The following HS3ST4 variants were observed in gnomAD, a reference collection of about 807,000 sequenced individuals.
HS3ST4 encodes the protein heparan sulfate glucosamine 3-O-sulfotransferase 4.
In HS3ST4, 17 loss-of-function variants were observed where a neutral mutation model predicts 29.2. The observed-to-expected ratio is 0.58, with a 90% CI of 0.40 to 0.87. The LOEUF is 0.87. HS3ST4 is among the 40% of genes least tolerant of loss of function. The probability of loss-of-function intolerance (pLI) is 0.00; values close to 1 mark genes in which losing one functional copy is unlikely to be tolerated. For missense variants in HS3ST4, 627 were observed against 634.5 expected (o/e 0.99, Z 0.13); for synonymous variants, 314 against 285.7 (o/e 1.10, Z -1.00).
At chr16:25,906,753 C>G (rs1968184110) in intron 1 of HS3ST4, among the ~76,000 whole-genome samples, 1 of 152,054 alleles carries the variant, frequency 6.6e-6, no homozygotes, top group Admixed American at 6.6e-5. Flanking sequence ...AAATACAAGA[C>G]ATGTATATGC....
intron 1 of HS3ST4, among the ~76,000 whole-genome samples, chr16:25,877,788 CAG>C (rs1200711039): frequency 6.6e-6 from 1 of 152,170 alleles, no homozygotes; most frequent in Non-Finnish European, 1.5e-5. Flanking sequence ...ATTCTTACTA[CAG>C]AGAGTTCTTC....
At chr16:26,134,681 A>G (rs1251165253) in intron 1 of HS3ST4, among the ~76,000 whole-genome samples, 3 of 152,142 alleles carry the variant, frequency 2.0e-5, no homozygotes, top group East Asian at 1.9e-4. Context: ...AGGCTCGAAG[A>G]TATAATTCAA....
At chr16:25,804,248 A>G (rs958527052) in intron 1 of HS3ST4, among the ~76,000 whole-genome samples, 1 of 152,178 alleles carries the variant, frequency 6.6e-6, no homozygotes, top group Non-Finnish European at 1.5e-5. Flanking sequence ...CATATCATCT[A>G]TAGAAACCAC....
At chr16:25,942,839 C>T (rs1036493152) in intron 1 of HS3ST4, among the ~76,000 whole-genome samples, 4 of 152,082 alleles carry the variant, frequency 2.6e-5, no homozygotes, top group Admixed American at 2.6e-4. Flanking sequence ...CCAGGCTGGT[C>T]TTGAACTCTT....
rs117824695 is a variant in HS3ST4 at position 25,758,292 on chromosome 16, A to G, written c.734+65141A>G. On this transcript the variant is annotated intron_variant, in intron 1 of 1. Coordinates refer to ENST00000331351, the MANE Select transcript of HS3ST4 (RefSeq NM_006040.3). ...CCTGTCATTGATTGTCTTTTTAGCT[A>G]TTTCTAATTGGTTACAAATGTTAAT... 8.2e-4 allele frequency among the ~76,000 whole-genome samples: 125 copies of G among 152,228 alleles called. No individual in the cohort carries two copies. In the East Asian group the frequency reaches 0.02, roughly 25 times the overall value.
intron 1 of HS3ST4, among the ~76,000 whole-genome samples, chr16:25,863,970 G>T (rs1182301001): frequency 6.6e-6 from 1 of 152,180 alleles, no homozygotes; most frequent in African/African-American, 2.4e-5. Context: ...TTATTGTGTG[G>T]CCTCTCTCCT....
chr16:25,827,484 A>G (rs2141636940), intron 1 of HS3ST4, among the ~76,000 whole-genome samples: 1 of 152,064 alleles, frequency 6.6e-6, no homozygotes, highest in South Asian at 2.1e-4. Flanking sequence ...CTGTCTTTCA[A>G]AACTTACTGT....
At chr16:25,895,018 T>A (rs920567928) in intron 1 of HS3ST4, among the ~76,000 whole-genome samples, 3 of 152,008 alleles carry the variant, frequency 2.0e-5, no homozygotes, top group Non-Finnish European at 4.4e-5. Flanking sequence ...GGGAGACAGA[T>A]GAGAAAAATG....
rs1491062144 is a variant in HS3ST4, at chr16:26,134,360, TTC to T, written c.735-1250_735-1249del. Reference sequence around the variant, plus strand: ...TTCTTTTCTTTTCTTTTCTTTTCTTTTCTTTTTTTTTTTTTTGATTGAGATGG... The same window carrying T: ...TTCTTTTCTTTTCTTTTCTTTTCTTTTTTTTTTTTTTTTTGATTGAGATGG... On this transcript the variant is annotated intron_variant, in intron 1 of 1. Coordinates refer to ENST00000331351, the MANE Select transcript of HS3ST4 (RefSeq NM_006040.3). Among the ~76,000 whole-genome samples the T allele has an allele frequency of 1.3e-3, 158 of 121,242 alleles. 2 individuals carry two copies. In the East Asian group the frequency reaches 0.018, roughly 14 times the overall value. 79.5% of individuals were successfully genotyped at this position (121,242 alleles called of 152,430 possible).
In HS3ST4 at chr16:25,904,974, G is replaced by C. The variant is rs371213101; in HGVS notation, c.734+211823G>C. Among the ~76,000 whole-genome samples, 23 of 152,262 alleles carry C rather than the reference G, an allele frequency of 1.5e-4. No individual in the cohort carries two copies. In the South Asian group the frequency reaches 1.7e-3, roughly 11 times the overall value. On this transcript the variant is annotated intron_variant, in intron 1 of 1. Transcript: ENST00000331351. Reference sequence around the variant, plus strand: ...CTCAAATGTTTATTGAACTCATTGAGTAGCAGACTCTGAGCTGAGTAAAGT... The same window carrying C: ...CTCAAATGTTTATTGAACTCATTGACTAGCAGACTCTGAGCTGAGTAAAGT...
At chr16:25,884,929 C>G (rs1967934593) in intron 1 of HS3ST4, among the ~76,000 whole-genome samples, 1 of 152,278 alleles carries the variant, frequency 6.6e-6, no homozygotes, top group South Asian at 2.1e-4. Flanking sequence ...GTGTCCAGAA[C>G]AGTGCCTGGT....
chr16:25,836,234 G>C (rs1367633347), intron 1 of HS3ST4, among the ~76,000 whole-genome samples: 1 of 152,114 alleles, frequency 6.6e-6, no homozygotes, highest in African/African-American at 2.4e-5. Flanking sequence ...TCTTCTTTTG[G>C]ACCCCTACCC....
At chr16:26,014,348 T>G (rs1348360688) in intron 1 of HS3ST4, among the ~76,000 whole-genome samples, 1 of 152,238 alleles carries the variant, frequency 6.6e-6, no homozygotes, top group East Asian at 1.9e-4. Context: ...TTTAAATTTT[T>G]AACTTTTATT....
intron 1 of HS3ST4, among the ~76,000 whole-genome samples, chr16:25,747,171 CAGAA>C (rs1474321296): frequency 6.6e-6 from 1 of 152,168 alleles, no homozygotes; most frequent in African/African-American, 2.4e-5. Flanking sequence ...CACAATTACT[CAGAA>C]AGAAGTGAGA....
chr16:25,888,002 C>T (rs550868641), intron 1 of HS3ST4, among the ~76,000 whole-genome samples: 3 of 152,280 alleles, frequency 2.0e-5, no homozygotes, highest in African/African-American at 7.2e-5. Context: ...CGTCCCGCTA[C>T]ACTTGATTTG....
chr16:25,758,416 T>C (rs529130845), intron 1 of HS3ST4, among the ~76,000 whole-genome samples: 1 of 152,340 alleles, frequency 6.6e-6, no homozygotes, highest in African/African-American at 2.4e-5. Flanking sequence ...CTGTTGAGCG[T>C]ACCCCAGCTT....
At chr16:26,086,245 A>G (rs534797210) in intron 1 of HS3ST4, among the ~76,000 whole-genome samples, 1 of 152,320 alleles carries the variant, frequency 6.6e-6, no homozygotes, top group South Asian at 2.1e-4. Flanking sequence ...AAATATAAAT[A>G]TGAGAATATG....
intron 1 of HS3ST4, among the ~76,000 whole-genome samples, chr16:26,129,529 T>C (rs1899389884): frequency 6.6e-6 from 1 of 152,196 alleles, no homozygotes; most frequent in African/African-American, 2.4e-5. Context: ...GTTTTAAAAA[T>C]TAATAGCTAC....
chr16:25,857,248 C>A (rs1469718190), intron 1 of HS3ST4, among the ~76,000 whole-genome samples: 3 of 152,080 alleles, frequency 2.0e-5, no homozygotes, highest in Non-Finnish European at 4.4e-5. Context: ...GTGGGTAGAT[C>A]TTGACTCTTA....
Sources: gnomAD v4.1 joint callset for allele counts (sites outside exome capture counted in the v4.1 genomes callset) on GRCh38, gnomAD v4.1.1 for gene constraint, MANE v1.5 for transcripts, NCBI Gene and HGNC (gene_info 2026-07-23, HGNC 2026-07-21) for gene names.